Variants in NCOA1 observed in about 807,000 individuals in gnomAD.
NCOA1 encodes nuclear receptor coactivator 1, also known as Hin-2 protein.
NCOA1 carries 35 observed loss-of-function variants against 150.9 expected under a neutral mutation model. The observed-to-expected ratio is 0.23, with a 90% CI of 0.18 to 0.31. The LOEUF (loss-of-function observed/expected upper bound fraction) is 0.31. Among genes scored for constraint, NCOA1 ranks in the 10% least tolerant of loss-of-function variants. NCOA1 has a pLI of 1.00. For missense variants in NCOA1, 1,491 were observed against 1,749.3 expected (o/e 0.85, Z 2.63); for synonymous variants, 590 against 630.0 (o/e 0.94, Z 0.95).
intron 14 of NCOA1, among the ~76,000 whole-genome samples, chr2:24,719,976 G>T (rs1674275012): frequency 6.6e-6 from 1 of 152,188 alleles, no homozygotes; most frequent in Non-Finnish European, 1.5e-5. Context: ...TGACTTAGCA[G>T]TGAGCAATAT....
chr2:24,520,911 G>C (rs1049832973), intron 1 of NCOA1, among the ~76,000 whole-genome samples: 5 of 28,900 alleles, frequency 1.7e-4, no homozygotes, highest in Non-Finnish European at 5.0e-4. Flanking sequence ...CTTTTTCCTT[G>C]CTCATTCTTT....
chr2:24,750,548 CATT>C (rs1020277409), intron 19 of NCOA1, among the ~76,000 whole-genome samples: 4 of 152,166 alleles, frequency 2.6e-5, no homozygotes, highest in African/African-American at 9.7e-5. Flanking sequence ...ACCTCAAAAA[CATT>C]ATGCTAAGTG....
intron 21 of NCOA1, among the ~76,000 whole-genome samples, chr2:24,758,746 G>T (rs948211774): frequency 6.6e-6 from 1 of 151,868 alleles, no homozygotes; most frequent in Non-Finnish European, 1.5e-5. Context: ...ACTTTGGGAG[G>T]CCAAGGCAGA....
At chr2:24,503,740 T>G (rs945115794) in intron 1 of NCOA1, among the ~76,000 whole-genome samples, 1 of 151,476 alleles carries the variant, frequency 6.6e-6, no homozygotes, top group East Asian at 1.9e-4. Context: ...TCTGTTTTTT[T>G]TTTTTTTTTT....
chr2:24,670,952 C>A (rs376440356), intron 6 of NCOA1, among the ~76,000 whole-genome samples: 1 of 151,990 alleles, frequency 6.6e-6, no homozygotes, highest in East Asian at 1.9e-4. Flanking sequence ...AGAGCAAAAC[C>A]AATGTTACAA....
intron 1 of NCOA1, among the ~76,000 whole-genome samples, chr2:24,560,041 C>G (rs1159827071): frequency 1.3e-5 from 2 of 152,086 alleles, no homozygotes; most frequent in Non-Finnish European, 2.9e-5. Flanking sequence ...GCACACTTCC[C>G]CTGATGATGA....
At position 24,491,941 on chromosome 2, in the gene NCOA1, T is replaced by A. The variant is rs1478717217; in HGVS notation, c.-396+339T>A. ...AGGGGGTGCGAGCTGCGCGGCCGCC[T>A]GCCCGGCGTGGGGAGCGGGCGCCCC... On this transcript the variant is annotated intron_variant, in intron 1 of 22. Transcript: ENST00000348332. 7 of 151,768 alleles carry A rather than the reference T, an allele frequency of 4.6e-5. No individual in the cohort carries two copies. The East Asian group carries it at 1.4e-3, about 29-fold the overall frequency. 9.4% of individuals were successfully genotyped at this position (151,768 alleles called of 1,614,324 possible).
At chr2:24,741,628 G>T (rs1368885292) in intron 18 of NCOA1, among the ~76,000 whole-genome samples, 156 bp from the exon 19 acceptor site, 1 of 152,176 alleles carries the variant, frequency 6.6e-6, no homozygotes, top group Non-Finnish European at 1.5e-5. Flanking sequence ...TGTTACTTAA[G>T]AGGTTTTTGT....
intron 5 of NCOA1, among the ~76,000 whole-genome samples, chr2:24,662,827 G>T (rs2148499838): frequency 6.7e-6 from 1 of 150,262 alleles, no homozygotes; most frequent in Middle Eastern, 3.4e-3. Flanking sequence ...TCATTCTATT[G>T]CCCAGGCTGG....
chr2:24,684,450 G>T (rs1054138974), intron 8 of NCOA1, among the ~76,000 whole-genome samples: 1 of 152,160 alleles, frequency 6.6e-6, no homozygotes. Context: ...GGATGCTGTA[G>T]ATCTATGACT....
intron 14 of NCOA1, among the ~76,000 whole-genome samples, chr2:24,719,046 A>AC (rs1429838243): frequency 6.6e-6 from 1 of 150,832 alleles, no homozygotes; most frequent in Non-Finnish European, 1.5e-5. Flanking sequence ...AAAAAAAAAA[A>AC]AAAAAAAAAC....
chr2:24,653,252 A>G (rs995526953), intron 4 of NCOA1, among the ~76,000 whole-genome samples: 3 of 152,180 alleles, frequency 2.0e-5, no homozygotes, highest in Non-Finnish European at 4.4e-5. Flanking sequence ...TAACTGCAGC[A>G]TGGCTTGGGT....
chr2:24,558,306 G>A (rs1041802369), intron 1 of NCOA1, among the ~76,000 whole-genome samples: 2 of 152,152 alleles, frequency 1.3e-5, no homozygotes, highest in African/African-American at 2.4e-5. Context: ...ACGGAAAACT[G>A]TATTAGTCCA....
At chr2:24,529,084 C>T (rs1352544086) in intron 1 of NCOA1, among the ~76,000 whole-genome samples, 1 of 152,200 alleles carries the variant, frequency 6.6e-6, no homozygotes, top group Non-Finnish European at 1.5e-5. Context: ...GACGGGGTTT[C>T]ACCATGTTAG....
intron 1 of NCOA1, among the ~76,000 whole-genome samples, chr2:24,521,624 T>C (rs1412793916): frequency 6.6e-6 from 1 of 152,222 alleles, no homozygotes; most frequent in Non-Finnish European, 1.5e-5. Flanking sequence ...TCTTTATCTA[T>C]TAGTCCATCT....
intron 17 of NCOA1, among the ~76,000 whole-genome samples, chr2:24,733,898 A>T (rs1275208300): frequency 6.6e-6 from 1 of 152,010 alleles, no homozygotes; most frequent in Non-Finnish European, 1.5e-5. Context: ...TTAAAAATAC[A>T]TTCAGGCCAG....
At chr2:24,608,665 A>G (rs10204713) in intron 3 of NCOA1, among the ~76,000 whole-genome samples, 1,682 of 148,154 alleles carry the variant, frequency 0.011, 37 homozygotes, top group African/African-American at 0.039. Context: ...TTAGATTTCA[A>G]CAGGTTTTTT....
intron 1 of NCOA1, among the ~76,000 whole-genome samples, chr2:24,520,845 A>C (rs1037265229): frequency 1.3e-5 from 2 of 152,192 alleles, no homozygotes; most frequent in Non-Finnish European, 2.9e-5. Flanking sequence ...GTAGTGTCCT[A>C]CAAAGCTCTA....
intron 3 of NCOA1, among the ~76,000 whole-genome samples, chr2:24,620,883 A>G (rs944765135): frequency 8.5e-5 from 13 of 152,218 alleles, no homozygotes; most frequent in South Asian, 2.1e-4. Flanking sequence ...GGACCTTTCT[A>G]TGCTACTTAA....
Sources: gnomAD v4.1 joint callset for allele counts (sites outside exome capture counted in the v4.1 genomes callset) on GRCh38, gnomAD v4.1.1 for gene constraint, MANE v1.5 for transcripts, NCBI Gene and HGNC (gene_info 2026-07-23, HGNC 2026-07-21) for gene names.